Variants in CPSF3 observed in about 807,000 individuals in gnomAD.
CPSF3 encodes cleavage and polyadenylation specific factor 3, also known as cleavage and polyadenylation specificity factor subunit 3.
A neutral mutation model predicts 84.1 loss-of-function variants in CPSF3; 57 were observed. The ratio of observed to expected loss-of-function variants is 0.68; its 90% CI spans 0.55 to 0.85. The LOEUF is 0.85. Among genes scored for constraint, CPSF3 ranks in the 40% least tolerant of loss-of-function variants. The pLI, the probability that CPSF3 is intolerant of heterozygous loss-of-function variation, is 0.00. For synonymous variants in CPSF3, 275 were observed against 278.1 expected (o/e 0.99, Z 0.11); for missense variants, 522 against 838.8 (o/e 0.62, Z 4.66).
chr2:9,471,792 A>G (rs1323173838), intron 17 of CPSF3, among the ~76,000 whole-genome samples: 2 of 151,724 alleles, frequency 1.3e-5, no homozygotes, highest in African/African-American at 4.8e-5. Context: ...GGATTTTCCA[A>G]ACAGTTCAAA....
intron 12 of CPSF3, 40 bp from the exon 13 acceptor site, chr2:9,455,619 G>T (rs958416973): frequency 7.3e-7 from 1 of 1,362,972 alleles, no homozygotes; most frequent in African/African-American, 1.4e-5. Flanking sequence ...TGTTTTGTAG[G>T]ACTAGTATTT....
chr2:9,455,551 C>T, intron 12 of CPSF3, 108 bp from the exon 13 acceptor site: 1 of 762,828 alleles, frequency 1.3e-6, no homozygotes. Context: ...TGTTAGCTTT[C>T]TGAAAAACAT....
intron 5 of CPSF3, 64 bp downstream of exon 5, chr2:9,432,752 T>C: frequency 7.6e-7 from 1 of 1,308,454 alleles, no homozygotes; most frequent in Non-Finnish European, 1.0e-6. Flanking sequence ...TGCCACCAAG[T>C]ACTATTAAAA....
At chr2:9,436,774 A>AAAAAAAAAAATAAAAAACAAT (rs139337028) in intron 7 of CPSF3, among the ~76,000 whole-genome samples, 1 of 143,002 alleles carries the variant, frequency 7.0e-6, no homozygotes, top group African/African-American at 2.6e-5. Flanking sequence ...CCATCTCAAA[A>AAAAAAAAAAATAAAAAACAAT]AATAATAATA....
chr2:9,461,132 C>T (rs1681713060), intron 15 of CPSF3, among the ~76,000 whole-genome samples: 2 of 152,108 alleles, frequency 1.3e-5, no homozygotes, highest in East Asian at 3.8e-4. Flanking sequence ...AATTTGCTTT[C>T]AGTAATTGTA....
At chr2:9,430,624 G>T (rs1680552742) in intron 3 of CPSF3, 128 bp from the exon 4 acceptor site, 2 of 793,996 alleles carry the variant, frequency 2.5e-6, no homozygotes, top group Non-Finnish European at 2.0e-6. Context: ...CCTACTCTTG[G>T]TTTTTCTGAA....
At chr2:9,448,117 T>A in intron 10 of CPSF3, 81 bp from the exon 11 acceptor site, 1 of 690,452 alleles carries the variant, frequency 1.4e-6, no homozygotes, top group Non-Finnish European at 2.3e-6. Context: ...TAAATATATT[T>A]CATATATTTA....
chr2:9,452,069 A>T (rs190593688), intron 11 of CPSF3, among the ~76,000 whole-genome samples: 1 of 151,784 alleles, frequency 6.6e-6, no homozygotes, highest in Admixed American at 6.5e-5. Flanking sequence ...TGGCTCACGC[A>T]TGTAATTCCA....
chr2:9,448,895 A>T (rs988644753), intron 11 of CPSF3, among the ~76,000 whole-genome samples: 1 of 151,980 alleles, frequency 6.6e-6, no homozygotes, highest in Non-Finnish European at 1.5e-5. Context: ...TAGCTCTTTA[A>T]TCCATATCCC....
At position 9,428,838 on chromosome 2, in the gene CPSF3, AT is replaced by A; in HGVS notation, c.114+15del. ...AGGAAGAAAAATAATGGTAATTACT[AT>A]TTTTGTACTCAGTTTAATAGTATGG... On this transcript the variant is annotated intron_variant, in intron 2 of 17. Coordinates refer to ENST00000238112, the MANE Select transcript of CPSF3 (RefSeq NM_016207.4). 6.7e-7 allele frequency: 1 copy of A among 1,496,070 alleles called. No homozygotes were observed. The highest frequency in any genetic ancestry group is 2.3e-5 in the East Asian group (1 of 44,228). The allele number at this position is 1,496,070 out of a possible 1,614,324, so 92.7% of individuals were successfully genotyped here.
At chr2:9,439,472 CAAA>C (rs34127364) in intron 7 of CPSF3, among the ~76,000 whole-genome samples, 2 of 104,198 alleles carry the variant, frequency 1.9e-5, no homozygotes, top group Admixed American at 2.2e-4. Flanking sequence ...GACTCCATCT[CAAA>C]AAAAAAAAAA....
chr2:9,432,707 G>C lies in CPSF3; in HGVS notation c.519+19G>C. 6.7e-7 allele frequency: 1 copy of C among 1,481,756 alleles called. No homozygotes were observed. Among genetic ancestry groups the C allele is most frequent in the Non-Finnish European group, 9.1e-7 (1 of 1,096,374 alleles). 91.8% of individuals were successfully genotyped at this position (1,481,756 alleles called of 1,614,324 possible). A position where few individuals can be genotyped will look rare whatever the true frequency, so the allele number is the denominator to read the frequency against. ...CGTGAAGGTACCCTCTGGCTGTGGC[G>C]CTTTTCTCCCCAGAGAAATCAGTAC... On this transcript the variant is annotated intron_variant, in intron 5 of 17. Coordinates refer to ENST00000238112, the MANE Select transcript of CPSF3 (RefSeq NM_016207.4).
chr2:9,450,900 T>A (rs1490772676), intron 11 of CPSF3, among the ~76,000 whole-genome samples: 1 of 152,172 alleles, frequency 6.6e-6, no homozygotes, highest in Admixed American at 6.5e-5. Flanking sequence ...TAGCAAAACT[T>A]AGGGTATGAG....
intron 15 of CPSF3, among the ~76,000 whole-genome samples, chr2:9,462,532 G>A (rs977876275): frequency 3.3e-5 from 5 of 152,308 alleles, no homozygotes; most frequent in Middle Eastern, 3.4e-3. Context: ...CTGTTCTGAT[G>A]AGGGCTCTGC....
intron 15 of CPSF3, among the ~76,000 whole-genome samples, chr2:9,463,238 C>T (rs529308810): frequency 1.8e-4 from 28 of 152,238 alleles, no homozygotes; most frequent in African/African-American, 5.8e-4. Flanking sequence ...GAGCTTTGAG[C>T]GGGGCTGAGA....
chr2:9,450,544 T>C (rs1455311942), intron 11 of CPSF3, among the ~76,000 whole-genome samples: 2 of 151,942 alleles, frequency 1.3e-5, no homozygotes, highest in Non-Finnish European at 2.9e-5. Flanking sequence ...TCCCAGGACT[T>C]TGGGAGGCTG....
At chr2:9,466,257 C>CAGGT (rs111599553) in intron 15 of CPSF3, among the ~76,000 whole-genome samples, 1 of 99,786 alleles carries the variant, frequency 1.0e-5, no homozygotes, top group African/African-American at 3.5e-5. Context: ...CGCGCACACA[C>CAGGT]GCACACAAAG....
At position 9,432,619 on chromosome 2, in the gene CPSF3, GT is replaced by G; in HGVS notation, c.454del (p.Trp152GlyfsTer9). On this transcript the variant is annotated frameshift_variant, in exon 5 of 18. Coordinates refer to ENST00000238112, the MANE Select transcript of CPSF3 (RefSeq NM_016207.4). LOFTEE classifies it high-confidence loss of function. ...AAGTTAAGGAAGTTGCGGGAATCAAGTTTTGGTGTTACCATGCAGGTCACGT... is the reference window on the plus strand; with the variant it reads ...AAGTTAAGGAAGTTGCGGGAATCAAGTTTGGTGTTACCATGCAGGTCACGT... ...HEVKEVAGIKFWCYHAGHVLG... is the reference protein window; with the variant it reads ...HEVKEVAGIKXWCYHAGHVLG... 6.3e-7 allele frequency: 1 copy of G among 1,590,034 alleles called. No individual in the cohort carries two copies. The highest frequency in any genetic ancestry group is 1.1e-5 in the South Asian group (1 of 88,162).
intron 15 of CPSF3, among the ~76,000 whole-genome samples, chr2:9,463,995 C>A (rs1681819425): frequency 6.6e-6 from 1 of 152,096 alleles, no homozygotes; most frequent in South Asian, 2.1e-4. Flanking sequence ...CATTTTTCTC[C>A]CTTTTCATTT....
Sources: gnomAD v4.1 joint callset for allele counts (sites outside exome capture counted in the v4.1 genomes callset) on GRCh38, gnomAD v4.1.1 for gene constraint, MANE v1.5 for transcripts, NCBI Gene and HGNC (gene_info 2026-07-23, HGNC 2026-07-21) for gene names.